ZFYVE9: variants seen among roughly 807,000 people sequenced by gnomAD.
The protein encoded by ZFYVE9 is zinc finger FYVE-type containing 9, also known as zinc finger FYVE domain-containing protein 9.
A neutral mutation model predicts 126.7 loss-of-function variants in ZFYVE9; 43 were observed. That is an observed-to-expected ratio of 0.34 (90% confidence interval 0.27 to 0.44). The LOEUF (loss-of-function observed/expected upper bound fraction) is 0.44. Among genes scored for constraint, ZFYVE9 ranks in the 20% least tolerant of loss-of-function variants. The probability of loss-of-function intolerance (pLI) is 1.00; values close to 1 mark genes in which losing one functional copy is unlikely to be tolerated. For missense variants in ZFYVE9, 1,476 were observed against 1,697.0 expected (o/e 0.87, Z 2.29); for synonymous variants, 521 against 597.4 (o/e 0.87, Z 1.87).
rs540432224 is a variant in ZFYVE9 at position 52,240,223 on chromosome 1, A to G, written c.2178+628A>G. Among the ~76,000 whole-genome samples the G allele has an allele frequency of 1.1e-3, 172 of 152,194 alleles. 3 individuals carry two copies. Among genetic ancestry groups the G allele is most frequent in the Non-Finnish European group, 3.1e-4 (21 of 68,052 alleles). On this transcript the variant is annotated intron_variant, in intron 4 of 18. Transcript: ENST00000287727. ...TAGCTCTCCCCAAATTTTGTTAGCT[A>G]AAAACACATCTTTTTTGTTTGTTTG...
chr1:52,266,333 G>A (rs1201788364), intron 5 of ZFYVE9, among the ~76,000 whole-genome samples: 1 of 142,306 alleles, frequency 7.0e-6, no homozygotes, highest in African/African-American at 2.7e-5. Context: ...TCCTGACCTC[G>A]TGATCCACCC....
intron 8 of ZFYVE9, 103 bp from the exon 9 acceptor site, chr1:52,278,389 A>G: frequency 6.9e-7 from 1 of 1,455,702 alleles, no homozygotes; most frequent in Non-Finnish European, 9.6e-7. Context: ...GATAAATCAA[A>G]TGCATGTCTC....
intron 1 of ZFYVE9, among the ~76,000 whole-genome samples, chr1:52,168,723 C>T (rs1644537175): frequency 6.6e-6 from 1 of 151,886 alleles, no homozygotes; most frequent in African/African-American, 2.4e-5. Context: ...CCTATGTTGT[C>T]CAGGCTGGTT....
At chr1:52,316,249 G>T (rs1250660959) in intron 13 of ZFYVE9, among the ~76,000 whole-genome samples, 1 of 150,338 alleles carries the variant, frequency 6.7e-6, no homozygotes, top group Non-Finnish European at 1.5e-5. Context: ...ACTTTGGAAG[G>T]CCAAGGCGGG....
chr1:52,160,561 C>T (rs1644448147), intron 1 of ZFYVE9: 1 of 755,082 alleles, frequency 1.3e-6, no homozygotes, highest in Admixed American at 1.8e-5. Flanking sequence ...GTGCTGCTCT[C>T]ATGACCTTCA....
intron 1 of ZFYVE9, among the ~76,000 whole-genome samples, chr1:52,182,933 T>G (rs1398184768): frequency 6.6e-6 from 1 of 152,108 alleles, no homozygotes; most frequent in Non-Finnish European, 1.5e-5. Flanking sequence ...AAAAGAATAT[T>G]TAGTTTTAAA....
intron 2 of ZFYVE9, among the ~76,000 whole-genome samples, chr1:52,216,942 T>G (rs766224101): frequency 6.6e-6 from 1 of 152,236 alleles, no homozygotes; most frequent in Non-Finnish European, 1.5e-5. Flanking sequence ...ACAGGAATCC[T>G]TGTCTTTTTC....
In ZFYVE9 at chr1:52,233,283, A is replaced by C. The variant is rs762768409; in HGVS notation, c.70+7A>C. 3.2e-6 allele frequency: 5 copies of C among 1,572,642 alleles called. No homozygotes were observed. In the South Asian group the frequency reaches 4.8e-5, roughly 15 times the overall value. On this transcript the variant is annotated splice_region_variant and intron_variant, in intron 3 of 18. Coordinates refer to ENST00000287727, the MANE Select transcript of ZFYVE9 (RefSeq NM_004799.4). ...GAATTTGAACAAAACGAAGGTGAGA[A>C]TTTATATTGGTGAATCTGTTTGCCT...
intron 4 of ZFYVE9, among the ~76,000 whole-genome samples, chr1:52,250,054 C>A (rs1645428760): frequency 2.6e-5 from 4 of 152,034 alleles, no homozygotes; most frequent in African/African-American, 9.7e-5. Context: ...AATGTGAGTC[C>A]TCTGGGGTTG....
At position 52,242,031 on chromosome 1, in the gene ZFYVE9, C is replaced by CTTTTTT. The variant is rs975430437; in HGVS notation, c.2178+2454_2178+2459dup. Among the ~76,000 whole-genome samples, 188 of 106,426 alleles carry CTTTTTT rather than the reference C, an allele frequency of 1.8e-3. 7 individuals are homozygous for CTTTTTT. The highest frequency in any genetic ancestry group is 6.4e-3 in the Middle Eastern group (1 of 156). The allele number at this position is 106,426 out of a possible 152,430, so 69.8% of individuals were successfully genotyped here. On this transcript the variant is annotated intron_variant, in intron 4 of 18. Transcript: ENST00000287727. ...TTGGAATTTATGATGTCATGGCAATCTTTTTTTTTTTTTTTTTTTTTTTGA... is the reference window on the plus strand; with the variant it reads ...TTGGAATTTATGATGTCATGGCAATCTTTTTTTTTTTTTTTTTTTTTTTTTTTTTGA...
chr1:52,220,615 C>A (rs1361307271), intron 2 of ZFYVE9, among the ~76,000 whole-genome samples: 1 of 152,150 alleles, frequency 6.6e-6, no homozygotes, highest in Admixed American at 6.5e-5. Context: ...TCTATACACC[C>A]ATAGACTCTG....
chr1:52,304,690 G>A (rs529315068), intron 13 of ZFYVE9, among the ~76,000 whole-genome samples: 1 of 151,542 alleles, frequency 6.6e-6, no homozygotes, highest in Non-Finnish European at 1.5e-5. Context: ...TGGTATGCAC[G>A]TAGAATCACA....
chr1:52,301,136 A>C (rs1646029582), intron 12 of ZFYVE9, among the ~76,000 whole-genome samples: 1 of 151,944 alleles, frequency 6.6e-6, no homozygotes, highest in South Asian at 2.1e-4. Context: ...CTGGGATTAC[A>C]GGTGTGAGCC....
In ZFYVE9 at chr1:52,332,756, CTT is replaced by C. The variant is rs1267441646; in HGVS notation, c.3439-10_3439-9del. ...CATTCTTGTCAGAATAAGGTTATCT[CTT>C]TGATTGCAGATGATGAAAGCCATGA... On this transcript the variant is annotated splice_polypyrimidine_tract_variant and intron_variant, in intron 13 of 18. Transcript: ENST00000287727. 6.2e-7 allele frequency: 1 copy of C among 1,612,064 alleles called. No individual in the cohort carries two copies. The highest frequency in any genetic ancestry group is 8.5e-7 in the Non-Finnish European group (1 of 1,179,156).
chr1:52,226,789 T>C (rs1029955631), intron 2 of ZFYVE9, among the ~76,000 whole-genome samples: 1 of 152,212 alleles, frequency 6.6e-6, no homozygotes, highest in Non-Finnish European at 1.5e-5. Flanking sequence ...AAGGCAGGAC[T>C]ACTGGAAGCA....
chr1:52,237,460 C>T, intron 3 of ZFYVE9, 28 bp from the exon 4 acceptor site: 4 of 1,555,668 alleles, frequency 2.6e-6, no homozygotes, highest in Non-Finnish European at 3.5e-6. Context: ...TACAAGCAAA[C>T]TTATTGTAAT....
chr1:52,227,019 A>T (rs1378885373), intron 2 of ZFYVE9, among the ~76,000 whole-genome samples: 1 of 152,124 alleles, frequency 6.6e-6, no homozygotes, highest in African/African-American at 2.4e-5. Context: ...TTCCTTTCAG[A>T]AGGGGTAGAA....
chr1:52,292,151 G>A (rs913563388), intron 10 of ZFYVE9, among the ~76,000 whole-genome samples: 2 of 151,484 alleles, frequency 1.3e-5, no homozygotes, highest in Non-Finnish European at 1.5e-5. Context: ...GTGTGGTGGT[G>A]CATGTTTGTA....
chr1:52,288,545 C>T (rs80231658), intron 10 of ZFYVE9, among the ~76,000 whole-genome samples: 17 of 152,318 alleles, frequency 1.1e-4, no homozygotes, highest in African/African-American at 4.1e-4. Flanking sequence ...TGCATAACTG[C>T]AGTTTGCTGC....
Sources: allele counts gnomAD v4.1 joint callset (sites outside exome capture counted in the v4.1 genomes callset), GRCh38; gene constraint gnomAD v4.1.1; transcripts MANE v1.5; gene names NCBI Gene and HGNC (gene_info 2026-07-23, HGNC 2026-07-21).